Variants in NF1 observed in about 807,000 individuals in gnomAD.
NF1 encodes neurofibromin.
A neutral mutation model predicts 325.7 loss-of-function variants in NF1; 122 were observed. The observed-to-expected ratio is 0.37, with a 90% CI of 0.32 to 0.44. NF1 has a LOEUF of 0.44. Among genes scored for constraint, NF1 ranks in the 20% least tolerant of loss-of-function variants. The pLI is 1.00. For missense variants in NF1, 2,140 were observed against 3,415.4 expected, an observed-to-expected ratio of 0.63 and a Z score of 9.31; for synonymous variants, 1,091 against 1,186.0, an observed-to-expected ratio of 0.92 and a Z score of 1.65.
intron 53 of NF1, 79 bp from the exon 54 acceptor site, chr17:31,357,190 T>C (rs2151582920): frequency 6.3e-7 from 1 of 1,592,104 alleles, no homozygotes; most frequent in Non-Finnish European, 8.6e-7. Flanking sequence ...GGATACAGTC[T>C]TCTACTTCTC....
At chr17:31,275,386 T>C (rs1342340359) in intron 36 of NF1, among the ~76,000 whole-genome samples, 1 of 152,196 alleles carries the variant, frequency 6.6e-6, no homozygotes, top group Non-Finnish European at 1.5e-5. Flanking sequence ...TTGTGTCATA[T>C]CACATCATCA....
chr17:31,137,375 A>G (rs987821494), intron 1 of NF1: 1 of 152,214 alleles, frequency 6.6e-6, no homozygotes, highest in Non-Finnish European at 1.5e-5. Context: ...TTCTGGTACA[A>G]CTTTTTGTGT....
chr17:31,297,395 T>C (rs2068489111), intron 36 of NF1: 2 of 152,194 alleles, frequency 1.3e-5, no homozygotes, highest in Admixed American at 1.3e-4. Context: ...AAATGGACAA[T>C]TTTTTAAAAA....
rs1597681902 is a variant in NF1 at position 31,201,052 on chromosome 17, C to A, written c.1078C>A (p.Pro360Thr). 2.5e-6 allele frequency: 4 copies of A among 1,613,746 alleles called. No homozygotes were observed. Among genetic ancestry groups the A allele is most frequent in the Non-Finnish European group, 3.4e-6 (4 of 1,179,978 alleles). Residue 360 changes from proline to threonine, a missense_variant, in exon 10 of 58, where the codon CCA becomes ACA. By Grantham distance (38) the Pro-to-Thr change is conservative. Coordinates refer to ENST00000358273, the MANE Select transcript of NF1 (RefSeq NM_001042492.3). ...GTTTTTATAGAACCTGCTTTTTAATCCAAGTAAGCCATTCTCAAGAGGCAG... is the reference window on the plus strand; with the variant it reads ...GTTTTTATAGAACCTGCTTTTTAATACAAGTAAGCCATTCTCAAGAGGCAG... ...VVDLKNLLFNPSKPFSRGSQP... is the reference protein window; with the variant it reads ...VVDLKNLLFNTSKPFSRGSQP...
At chr17:31,322,092 TATACACACACACACACAC>T (rs2069211520) in intron 36 of NF1, among the ~76,000 whole-genome samples, 2 of 48,488 alleles carry the variant, frequency 4.1e-5, no homozygotes, top group Admixed American at 2.4e-4. Flanking sequence ...GTAGTGTGTG[TATACACACACACACACAC>T]ACACACACAC....
chr17:31,124,960 T>A (rs913895424), intron 1 of NF1, among the ~76,000 whole-genome samples: 1 of 150,986 alleles, frequency 6.6e-6, no homozygotes, highest in Admixed American at 6.6e-5. Flanking sequence ...TGAATCATGT[T>A]TGTACAGTTT....
intron 15 of NF1, chr17:31,222,380 A>G (rs2066940035): frequency 9.7e-7 from 1 of 1,035,732 alleles, no homozygotes. Flanking sequence ...AGAAGAAAAA[A>G]ATGTATGCAG....
At position 31,356,599 on chromosome 17, in the gene NF1, T is replaced by C. The variant is rs1226267135; in HGVS notation, c.7738+17T>C. ...ATGAAATGGGTGAGAAACAAAGTAT[T>C]GATCTAGATCATTGAAAATAAGGTG... On this transcript the variant is annotated intron_variant, in intron 52 of 57. Coordinates refer to ENST00000358273, the MANE Select transcript of NF1 (RefSeq NM_001042492.3). 6 of 1,613,244 alleles carry C rather than the reference T, an allele frequency of 3.7e-6. No individual in the cohort carries two copies. Among genetic ancestry groups the C allele is most frequent in the Non-Finnish European group, 5.1e-6 (6 of 1,179,508 alleles).
intron 1 of NF1, among the ~76,000 whole-genome samples, chr17:31,116,709 C>T (rs947721875): frequency 2.0e-5 from 3 of 151,972 alleles, no homozygotes; most frequent in Admixed American, 6.6e-5. Context: ...GCCCTGTCGC[C>T]CAGGCTGGAG....
intron 17 of NF1, among the ~76,000 whole-genome samples, chr17:31,226,110 C>T (rs372114470): frequency 6.6e-6 from 1 of 151,908 alleles, no homozygotes; most frequent in Non-Finnish European, 1.5e-5. Flanking sequence ...AGTAGATTTA[C>T]GTTATGGTGT....
intron 57 of NF1, 141 bp from the exon 58 acceptor site, chr17:31,373,872 A>G: frequency 9.8e-7 from 1 of 1,017,228 alleles, no homozygotes; most frequent in Non-Finnish European, 1.5e-6. Flanking sequence ...ATGTAAGTAC[A>G]CTCCACAATA....
chr17:31,248,900 CTG>C lies in NF1; in HGVS notation c.3975-82_3975-81del. The stretch of plus-strand genomic sequence containing the variant: ...CTACACGTTGCACTTGGCTTAATGT[CTG>C]TATAAGAGTCTCTTTTAAGGAGTGA... On this transcript the variant is annotated intron_variant, in intron 29 of 57. Transcript: ENST00000358273. 8 of 1,361,146 alleles carry C rather than the reference CTG, an allele frequency of 5.9e-6. No individual in the cohort carries two copies. In the South Asian group the frequency reaches 9.6e-5, roughly 16 times the overall value. The allele number at this position is 1,361,146 out of a possible 1,614,324, so 84.3% of individuals were successfully genotyped here.
At chr17:31,121,450 G>T (rs1597584884) in intron 1 of NF1, among the ~76,000 whole-genome samples, 2 of 140,766 alleles carry the variant, frequency 1.4e-5, no homozygotes, top group Admixed American at 1.5e-4. Flanking sequence ...ACCCAGGCTG[G>T]AGTGCAGAGG....
At position 31,337,283 on chromosome 17, in the gene NF1, T is replaced by A. The variant is rs17886942; in HGVS notation, c.6428-85T>A. On this transcript the variant is annotated intron_variant, in intron 42 of 57. Coordinates refer to ENST00000358273, the MANE Select transcript of NF1 (RefSeq NM_001042492.3). ...TGTAATTTTTATATGGTATTCAAATTTTCTAAATTCAAAATGAAACATGGA... is the reference window on the plus strand; with the variant it reads ...TGTAATTTTTATATGGTATTCAAATATTCTAAATTCAAAATGAAACATGGA... 869 of 1,142,310 alleles carry A rather than the reference T, an allele frequency of 7.6e-4. 8 individuals are homozygous for A. In the African/African-American group the frequency reaches 0.011, roughly 15 times the overall value. 70.8% of individuals were successfully genotyped at this position (1,142,310 alleles called of 1,614,324 possible). A position where few individuals can be genotyped will look rare whatever the true frequency, so the allele number is the denominator to read the frequency against.
chr17:31,108,837 G>A (rs1737690448), intron 1 of NF1, among the ~76,000 whole-genome samples: 1 of 152,198 alleles, frequency 6.6e-6, no homozygotes, highest in African/African-American at 2.4e-5. Flanking sequence ...AAGCCAAGCT[G>A]TATGAGCCCT....
intron 1 of NF1, among the ~76,000 whole-genome samples, chr17:31,111,213 C>G (rs1171800880): frequency 7.2e-6 from 1 of 139,200 alleles, no homozygotes; most frequent in Non-Finnish European, 1.6e-5. Flanking sequence ...GATAAAAGCA[C>G]AGAAAAAAAA....
At chr17:31,313,162 C>G (rs1016775388) in intron 36 of NF1, among the ~76,000 whole-genome samples, 2 of 152,086 alleles carry the variant, frequency 1.3e-5, no homozygotes, top group Non-Finnish European at 2.9e-5. Flanking sequence ...CATCTGATTT[C>G]TTTTTCTTTC....
chr17:31,175,398 G>A (rs1197487344), intron 5 of NF1, among the ~76,000 whole-genome samples: 10 of 131,262 alleles, frequency 7.6e-5, no homozygotes, highest in Non-Finnish European at 1.6e-4. Flanking sequence ...CGCTCAGGCT[G>A]GCATGCAGTG....
rs141322830 is a variant in NF1, at chr17:31,198,738, C to T, written c.889-1684C>T. ...CAAGTGATTCTCCTGCTTCAGCTTCCCTAGTAGCTGGGACTACAGGCATGC... is the reference window on the plus strand; with the variant it reads ...CAAGTGATTCTCCTGCTTCAGCTTCTCTAGTAGCTGGGACTACAGGCATGC... On this transcript the variant is annotated intron_variant, in intron 8 of 57. Transcript: ENST00000358273. 2.6e-3 allele frequency among the ~76,000 whole-genome samples: 398 copies of T among 152,152 alleles called. 4 individuals are homozygous for T. The highest frequency in any genetic ancestry group is 9.0e-3 in the African/African-American group (375 of 41,498).
Sources: gnomAD v4.1 joint callset for allele counts (sites outside exome capture counted in the v4.1 genomes callset) on GRCh38, gnomAD v4.1.1 for gene constraint, MANE v1.5 for transcripts, NCBI Gene and HGNC (gene_info 2026-07-23, HGNC 2026-07-21) for gene names.